MDN1: variants seen among roughly 807,000 people sequenced by gnomAD.
MDN1 encodes the protein midasin.
A neutral mutation model predicts 669.2 loss-of-function variants in MDN1; 266 were observed. The ratio of observed to expected loss-of-function variants is 0.40; its 90% CI spans 0.36 to 0.44. MDN1 has a LOEUF of 0.44. MDN1 is among the 20% of genes least tolerant of loss of function. MDN1 has a pLI of 1.00. For synonymous variants in MDN1, 2,385 were observed against 2,457.1 expected (o/e 0.97, Z 0.87); for missense variants, 5,940 against 6,754.0 (o/e 0.88, Z 4.22).
At position 89,718,519 on chromosome 6, in the gene MDN1, G is replaced by T. The variant is rs1419262492; in HGVS notation, c.6430C>A (p.Leu2144Met). 3.7e-6 allele frequency: 6 copies of T among 1,613,960 alleles called. No individual in the cohort carries two copies. Among genetic ancestry groups the T allele is most frequent in the Non-Finnish European group, 5.1e-6 (6 of 1,180,012 alleles). The change falls in exon 43 of 102, where the codon CTG becomes ATG. Residue 2144 changes from leucine (L) to methionine (M), a missense_variant. Physicochemically the swap from Leu to Met is conservative, Grantham distance 15. Coordinates refer to ENST00000369393, the MANE Select transcript of MDN1 (RefSeq NM_014611.3). ...LISADDAEVV[L>M]RAWSHFLLTY... ...AGAAGAAAATGACTCCAGGCTCGCAGCACTACTTCTGCATCATCAGCACTG... is the reference window on the plus strand; with the variant it reads ...AGAAGAAAATGACTCCAGGCTCGCATCACTACTTCTGCATCATCAGCACTG...
intron 16 of MDN1, among the ~76,000 whole-genome samples, chr6:89,761,973 C>G (rs1171232250): frequency 1.3e-5 from 2 of 152,168 alleles, no homozygotes; most frequent in South Asian, 4.1e-4. Flanking sequence ...CACAACAACC[C>G]TCTGGACTAG....
At chr6:89,726,946 G>A (rs539412882) in intron 37 of MDN1, among the ~76,000 whole-genome samples, 15 of 152,224 alleles carry the variant, frequency 9.9e-5, no homozygotes, top group Non-Finnish European at 1.9e-4. Context: ...AATCTAGAAT[G>A]TCTTGTCGTC....
At chr6:89,728,868 T>C in intron 36 of MDN1, 63 bp downstream of exon 36, 1 of 1,492,936 alleles carries the variant, frequency 6.7e-7, no homozygotes. Context: ...TAGGCAAATA[T>C]AAATTGACAC....
chr6:89,676,188 A>G lies in MDN1; in HGVS notation c.12559T>C (p.Ser4187Pro). Residue 4187 changes from serine (S) to proline (P), a missense_variant, in exon 77 of 102, where the codon TCT becomes CCT. Physicochemically the swap from Ser to Pro is moderately conservative, Grantham distance 74 (BLOSUM62 -1). Around this residue, in one of 5 missense-constraint regions of MDN1, gnomAD observed 2,280 missense variants for 2,576.3 expected, o/e 0.88. Coordinates refer to ENST00000369393, the MANE Select transcript of MDN1 (RefSeq NM_014611.3). ...TACTTCTGGCATCCATCCCATGAAG[A>G]CGAGATTTCTGTAAGCAGCCTGGAA... is the stretch of plus-strand genomic sequence containing the variant. ...ADSRLLTEIS[S>P]SWDGCQKYFY... 1 of 1,614,212 alleles carries G rather than the reference A, an allele frequency of 6.2e-7. No individual in the cohort carries two copies. Among genetic ancestry groups the G allele is most frequent in the Non-Finnish European group, 8.5e-7 (1 of 1,180,028 alleles).
chr6:89,712,362 G>T, intron 48 of MDN1, 106 bp from the exon 49 acceptor site: 1 of 1,113,734 alleles, frequency 9.0e-7, no homozygotes, highest in Non-Finnish European at 1.3e-6. Flanking sequence ...AAAGGTAAGA[G>T]AGAAAAGGAG....
At position 89,674,557 on chromosome 6, in the gene MDN1, C is replaced by T. The variant is rs1490969018; in HGVS notation, c.12794G>A (p.Ser4265Asn). 7 of 1,588,602 alleles carry T rather than the reference C, an allele frequency of 4.4e-6. No individual in the cohort carries two copies. Among genetic ancestry groups the T allele is most frequent in the African/African-American group, 1.3e-5 (1 of 74,748 alleles). The change falls in exon 79 of 102, where the codon AGC (serine) becomes AAC (asparagine). Residue 4265 changes from serine (S) to asparagine (N), a missense_variant. By Grantham distance (46) the Ser-to-Asn change is conservative (BLOSUM62 1). This residue lies in a region of MDN1 where 2,280 missense variants were observed against 2,576.3 expected (regional missense o/e 0.88). Transcript: ENST00000369393. ...NLLSCVQEIH[S>N]RLMGPQAYPV... ...GTAGGCCTGGGGCCCCATCAGCCTG[C>T]TGTGAATCTCTTGCACACAGCTGAG...
Position 89,776,719 on chromosome 6 carries a change from G to A in MDN1, c.1726-24C>T, listed in dbSNP as rs534324476. On this transcript the variant is annotated intron_variant, in intron 11 of 101. Transcript: ENST00000369393. Reference sequence around the variant, plus strand: ...GCCTATTAAAATAACCAAGGTAAATGCTGACTGATTTTTAAAATAATATAT... The same window carrying A: ...GCCTATTAAAATAACCAAGGTAAATACTGACTGATTTTTAAAATAATATAT... 1.4e-4 allele frequency: 203 copies of A among 1,471,892 alleles called. 3 individuals are homozygous for A. The South Asian group carries it at 2.4e-3, about 17-fold the overall frequency. 91.2% of individuals were successfully genotyped at this position (1,471,892 alleles called of 1,614,324 possible).
At position 89,683,958 on chromosome 6, in the gene MDN1, T is replaced by C. The variant is rs991846343; in HGVS notation, c.11830-54A>G. On this transcript the variant is annotated intron_variant, in intron 71 of 101. Transcript: ENST00000369393. The stretch of plus-strand genomic sequence containing the variant: ...GCTTTATAAAGCTAGTGTCATTCTG[T>C]TTCTTTCTAGATTTCTGTTCAGCAA... 1.4e-4 allele frequency: 189 copies of C among 1,346,326 alleles called. 1 individual carries two copies. Among genetic ancestry groups the C allele is most frequent in the Non-Finnish European group, 1.9e-4 (178 of 940,642 alleles). The allele number at this position is 1,346,326 out of a possible 1,614,324, so 83.4% of individuals were successfully genotyped here.
chr6:89,784,141 C>T (rs1818824456), intron 9 of MDN1, among the ~76,000 whole-genome samples: 1 of 151,524 alleles, frequency 6.6e-6, no homozygotes, highest in Non-Finnish European at 1.5e-5. Context: ...ATGGTGAAAC[C>T]CCATCTCTAC....
chr6:89,702,159 C>T, intron 53 of MDN1, 98 bp from the exon 54 acceptor site: 2 of 1,208,432 alleles, frequency 1.7e-6, no homozygotes, highest in Non-Finnish European at 2.3e-6. Flanking sequence ...CCAACATCTC[C>T]CGGGAAAAGA....
Position 89,803,562 on chromosome 6 carries a change from A to T in MDN1, c.103-8T>A, listed in dbSNP as rs1767803710. On this transcript the variant is annotated splice_region_variant and splice_polypyrimidine_tract_variant and intron_variant, in intron 1 of 101. Transcript: ENST00000369393. ...ATCTTGAGGTGTCCACACCTGAGAAAGGCAAAACAAAACATCTTTCACTTT... is the reference window on the plus strand; with the variant it reads ...ATCTTGAGGTGTCCACACCTGAGAATGGCAAAACAAAACATCTTTCACTTT... 1.9e-6 allele frequency: 3 copies of T among 1,588,090 alleles called. No individual in the cohort carries two copies. The highest frequency in any genetic ancestry group is 2.6e-6 in the Non-Finnish European group (3 of 1,161,550).
chr6:89,688,545 A>C, intron 66 of MDN1, 28 bp downstream of exon 66: 1 of 1,596,004 alleles, frequency 6.3e-7, no homozygotes, highest in East Asian at 2.2e-5. Context: ...CAGTACTGTG[A>C]GCACTCCTTC....
chr6:89,767,495 A>C (rs1817855715), intron 15 of MDN1, among the ~76,000 whole-genome samples: 1 of 152,120 alleles, frequency 6.6e-6, no homozygotes, highest in African/African-American at 2.4e-5. Context: ...AGTGGCTCAC[A>C]CCTGTTAATT....
At chr6:89,688,488 T>C (rs1812168430) in intron 66 of MDN1, 85 bp downstream of exon 66, 1 of 1,239,636 alleles carries the variant, frequency 8.1e-7, no homozygotes, top group Admixed American at 2.2e-5. Flanking sequence ...TATGTGCAAG[T>C]GGGTGCCCCC....
At chr6:89,753,711 G>A in intron 21 of MDN1, 89 bp from the exon 22 acceptor site, 4 of 1,056,736 alleles carry the variant, frequency 3.8e-6, no homozygotes, top group Non-Finnish European at 4.4e-6. Context: ...AACCTCTTGG[G>A]TGATGCTGCT....
chr6:89,651,585 C>T (rs1808875799), intron 95 of MDN1, among the ~76,000 whole-genome samples: 1 of 152,092 alleles, frequency 6.6e-6, no homozygotes, highest in African/African-American at 2.4e-5. Context: ...CACTGCACTC[C>T]AGCCGGGGCA....
Position 89,700,061 on chromosome 6 carries a change from A to G in MDN1, c.8870+2T>C. 2 of 1,612,936 alleles carry G rather than the reference A, an allele frequency of 1.2e-6. No homozygotes were observed. Among genetic ancestry groups the G allele is most frequent in the African/African-American group, 1.3e-5 (1 of 75,034 alleles). Reference sequence around the variant, plus strand: ...AGGAAAACAACTGAAAGCATGGTTTACCTTCTGAGACAAGCTTGTGCCATA... The same window carrying G: ...AGGAAAACAACTGAAAGCATGGTTTGCCTTCTGAGACAAGCTTGTGCCATA... On this transcript the variant is annotated splice_donor_variant, in intron 57 of 101. Coordinates refer to ENST00000369393, the MANE Select transcript of MDN1 (RefSeq NM_014611.3). LOFTEE classifies it high-confidence loss of function.
intron 20 of MDN1, among the ~76,000 whole-genome samples, chr6:89,754,801 C>T (rs1817153926): frequency 6.6e-6 from 1 of 152,180 alleles, no homozygotes; most frequent in Non-Finnish European, 1.5e-5. Context: ...ATTAGCACCA[C>T]AAGATCAAAT....
Position 89,701,570 on chromosome 6 carries a change from C to T in MDN1, c.8415G>A (p.Pro2805=), listed in dbSNP as rs879046820. Residue 2805 remains proline, a synonymous_variant, in exon 55 of 102, where the codon CCG becomes CCA. Coordinates refer to ENST00000369393, the MANE Select transcript of MDN1 (RefSeq NM_014611.3). ...IKKLQKFLGR[P]FPFKDKLVVE... ...CTTCCAGGTGTACCTTAAAAGGAAA[C>T]GGTCGTCCCAGGAACTTCTGCAACT... is the stretch of plus-strand genomic sequence containing the variant. 1.1e-5 allele frequency: 17 copies of T among 1,614,046 alleles called. No homozygotes were observed. The highest frequency in any genetic ancestry group is 6.7e-5 in the Admixed American group (4 of 60,000).
Sources: allele counts gnomAD v4.1 joint callset (sites outside exome capture counted in the v4.1 genomes callset), GRCh38; gene constraint gnomAD v4.1.1; regional missense constraint gnomAD v4.1.1; transcripts MANE v1.5; gene names NCBI Gene and HGNC (gene_info 2026-07-23, HGNC 2026-07-21).